Variants in MORC1 observed in about 807,000 individuals in gnomAD.
MORC1 encodes MORC family CW-type zinc finger 1.
Under a neutral mutation model 134.9 loss-of-function variants are expected in MORC1, and 59 were observed. The observed-to-expected ratio is 0.44, with a 90% CI of 0.35 to 0.54. MORC1 has a LOEUF of 0.54. MORC1 is among the 20% of genes least tolerant of loss of function. The pLI is 0.00. For missense variants in MORC1, 947 were observed against 1,134.5 expected, an observed-to-expected ratio of 0.83 and a Z score of 2.37; for synonymous variants, 395 against 391.7, an observed-to-expected ratio of 1.01 and a Z score of -0.10.
chr3:109,004,965 T>C, intron 19 of MORC1, 77 bp from the exon 20 acceptor site: 1 of 1,576,680 alleles, frequency 6.3e-7, no homozygotes, highest in Non-Finnish European at 8.6e-7. Context: ...CAATGTATAT[T>C]TTATAATTAA....
chr3:109,005,970 A>C (rs1948530300), intron 18 of MORC1, among the ~76,000 whole-genome samples: 1 of 152,202 alleles, frequency 6.6e-6, no homozygotes. Flanking sequence ...AACATTTTGT[A>C]AAGTTATGAT....
intron 13 of MORC1, among the ~76,000 whole-genome samples, chr3:109,055,891 T>A (rs1047191560): frequency 2.0e-5 from 3 of 151,954 alleles, no homozygotes; most frequent in African/African-American, 7.3e-5. Flanking sequence ...GAGTGACAGG[T>A]GGTGGGGAAG....
intron 24 of MORC1, among the ~76,000 whole-genome samples, chr3:108,971,863 A>G (rs1017116861): frequency 4.6e-5 from 7 of 152,114 alleles, no homozygotes; most frequent in African/African-American, 1.7e-4. Flanking sequence ...GGAGAAAAAA[A>G]AAGAAAAGAA....
At chr3:108,962,434 T>C (rs1177410985) in intron 27 of MORC1, among the ~76,000 whole-genome samples, 1 of 152,208 alleles carries the variant, frequency 6.6e-6, no homozygotes, top group East Asian at 1.9e-4. Flanking sequence ...AAGGTCCATG[T>C]TCTTCACACA....
intron 14 of MORC1, among the ~76,000 whole-genome samples, chr3:109,053,104 A>C (rs972336262): frequency 4.0e-5 from 6 of 151,544 alleles, no homozygotes; most frequent in Non-Finnish European, 8.8e-5. Flanking sequence ...TTTGTTATAA[A>C]GTAAAAAAAA....
intron 17 of MORC1, among the ~76,000 whole-genome samples, chr3:109,025,999 C>T (rs1201966539): frequency 6.6e-6 from 1 of 152,176 alleles, no homozygotes; most frequent in Admixed American, 6.5e-5. Context: ...TACAGATACT[C>T]TGTATTTCCC....
chr3:109,068,071 G>A lies in MORC1; in HGVS notation c.815+1561C>T, dbSNP rs1182666601. 3.3e-5 allele frequency among the ~76,000 whole-genome samples: 5 copies of A among 152,254 alleles called. No individual in the cohort carries two copies. In the South Asian group the frequency reaches 8.3e-4, roughly 25 times the overall value. ...ATTTCCTTATCTCTAAAATGGTGAT[G>A]ATAACCTAACACACAGTGTTACTGC... is the stretch of plus-strand genomic sequence containing the variant. On this transcript the variant is annotated intron_variant, in intron 9 of 27. Coordinates refer to ENST00000232603, the MANE Select transcript of MORC1 (RefSeq NM_014429.4).
chr3:109,065,984 C>T (rs979752175), intron 9 of MORC1, among the ~76,000 whole-genome samples: 3 of 152,014 alleles, frequency 2.0e-5, no homozygotes, highest in Non-Finnish European at 2.9e-5. Flanking sequence ...TGGACATAAA[C>T]ATGAGAACAA....
At chr3:109,085,782 A>G (rs1401889565) in intron 8 of MORC1, among the ~76,000 whole-genome samples, 1 of 152,092 alleles carries the variant, frequency 6.6e-6, no homozygotes, top group Non-Finnish European at 1.5e-5. Flanking sequence ...TATCAAAGAG[A>G]TATCTGTATT....
At chr3:109,046,493 G>A (rs1259257317) in intron 14 of MORC1, among the ~76,000 whole-genome samples, 1 of 152,152 alleles carries the variant, frequency 6.6e-6, no homozygotes, top group East Asian at 1.9e-4. Flanking sequence ...AAGGAATTCT[G>A]TGTTATCATG....
At position 109,064,978 on chromosome 3, in the gene MORC1, A is replaced by C. The variant is rs182216327; in HGVS notation, c.816-1747T>G. On this transcript the variant is annotated intron_variant, in intron 9 of 27. Transcript: ENST00000232603. ...ACTCAGAAGGCCTTCTGGACTCCTC[A>C]TTTTCTCTCCACCCCATATCCAATC... Among the ~76,000 whole-genome samples, 27 of 151,984 alleles carry C rather than the reference A, an allele frequency of 1.8e-4. No homozygotes were observed. In the East Asian group the frequency reaches 5.0e-3, roughly 28 times the overall value.
At chr3:109,000,762 T>C (rs1948383010) in intron 20 of MORC1, 104 bp from the exon 21 acceptor site, 1 of 807,438 alleles carries the variant, frequency 1.2e-6, no homozygotes, top group Admixed American at 2.5e-5. Flanking sequence ...CTGCAGACTT[T>C]TGTAGGATAT....
intron 22 of MORC1, among the ~76,000 whole-genome samples, chr3:108,986,259 C>T (rs1947890621): frequency 6.6e-6 from 1 of 152,040 alleles, no homozygotes; most frequent in Admixed American, 6.6e-5. Flanking sequence ...ATAAAAATTA[C>T]AGTAATAATA....
At chr3:109,098,824 GCA>G (rs1225274170) in intron 6 of MORC1, among the ~76,000 whole-genome samples, 1 of 152,076 alleles carries the variant, frequency 6.6e-6, no homozygotes, top group Non-Finnish European at 1.5e-5. Context: ...CCAGTACTAG[GCA>G]GAGAGTAGTT....
intron 25 of MORC1, among the ~76,000 whole-genome samples, chr3:108,970,304 A>C (rs894992979): frequency 6.6e-6 from 1 of 152,190 alleles, no homozygotes; most frequent in Non-Finnish European, 1.5e-5. Flanking sequence ...ATAAAAAATA[A>C]AATGGGCAGT....
intron 24 of MORC1, among the ~76,000 whole-genome samples, chr3:108,973,326 G>GTTTC (rs1947444753): frequency 6.6e-6 from 1 of 152,122 alleles, no homozygotes; most frequent in African/African-American, 2.4e-5. Flanking sequence ...CCAATACCAT[G>GTTTC]TGATAAATGC....
intron 21 of MORC1, among the ~76,000 whole-genome samples, chr3:108,994,323 T>C (rs1181406425): frequency 1.3e-5 from 2 of 151,996 alleles, no homozygotes; most frequent in African/African-American, 2.4e-5. Flanking sequence ...CATCCCTCTG[T>C]CAGTCTGCTC....
chr3:108,983,489 G>T (rs1175288726), intron 23 of MORC1, among the ~76,000 whole-genome samples: 2 of 152,094 alleles, frequency 1.3e-5, no homozygotes, highest in Non-Finnish European at 2.9e-5. Context: ...AATGAGATGG[G>T]CTACTTTAGA....
At chr3:109,057,564 A>G in intron 12 of MORC1, 78 bp from the exon 13 acceptor site, 1 of 1,316,534 alleles carries the variant, frequency 7.6e-7, no homozygotes, top group Non-Finnish European at 1.0e-6. Flanking sequence ...TAATAATTAA[A>G]CTAGAAGGTT....
Sources: gnomAD v4.1 joint callset for allele counts (sites outside exome capture counted in the v4.1 genomes callset) on GRCh38, gnomAD v4.1.1 for gene constraint, MANE v1.5 for transcripts, NCBI Gene and HGNC (gene_info 2026-07-23, HGNC 2026-07-21) for gene names.